Variants in LYPD6B observed in about 807,000 individuals in gnomAD.
The protein encoded by LYPD6B is ly6/PLAUR domain-containing protein 6B.
A neutral mutation model predicts 22.8 loss-of-function variants in LYPD6B; 17 were observed. The ratio of observed to expected loss-of-function variants is 0.75; its 90% CI spans 0.51 to 1.12. The LOEUF (loss-of-function observed/expected upper bound fraction) is 1.12. Among genes scored for constraint, LYPD6B ranks in the 50% most tolerant of loss-of-function variants. The pLI, the probability that LYPD6B is intolerant of heterozygous loss-of-function variation, is 0.00. For missense variants in LYPD6B, 221 were observed against 258.3 expected (o/e 0.86, Z 0.99); for synonymous variants, 106 against 91.6 (o/e 1.16, Z -0.90).
At chr2:149,120,377 ATATATAT>A (rs1687248350) in intron 1 of LYPD6B, among the ~76,000 whole-genome samples, 4 of 43,146 alleles carry the variant, frequency 9.3e-5, no homozygotes, top group East Asian at 1.6e-3. Context: ...ATATATATAT[ATATATAT>A]TTTTTTTTTT....
At chr2:149,153,651 TGTAGC>T (rs1689512616) in intron 2 of LYPD6B, among the ~76,000 whole-genome samples, 1 of 152,104 alleles carries the variant, frequency 6.6e-6, no homozygotes, top group Admixed American at 6.5e-5. Context: ...GGTGCGTTCC[TGTAGC>T]TCCAGCTACT....
Position 149,054,050 on chromosome 2 carries a change from G to A in LYPD6B, c.-67+15249G>A, listed in dbSNP as rs78676415. 6.7e-3 allele frequency among the ~76,000 whole-genome samples: 1,013 copies of A among 152,276 alleles called. 10 individuals carry two copies. Among genetic ancestry groups the A allele is most frequent in the African/African-American group, 0.023 (964 of 41,532 alleles). On this transcript the variant is annotated intron_variant, in intron 1 of 6. Transcript: ENST00000409642. ...TTCACTTTTGACTATTACAAATAAT[G>A]CTTCTGTAAGCATTCATGTATAAGT... is the stretch of plus-strand genomic sequence containing the variant.
chr2:149,110,014 T>G (rs988786558), intron 1 of LYPD6B, among the ~76,000 whole-genome samples: 4 of 152,120 alleles, frequency 2.6e-5, no homozygotes, highest in Non-Finnish European at 1.5e-5. Flanking sequence ...CCCGGCCACG[T>G]TCTTTTCTTT....
At chr2:149,147,506 T>TTTTGTTTG (rs970276349) in intron 2 of LYPD6B, among the ~76,000 whole-genome samples, 1 of 151,992 alleles carries the variant, frequency 6.6e-6, no homozygotes, top group African/African-American at 2.4e-5. Context: ...TTTTTTTGTT[T>TTTTGTTTG]TTTGTTTGTT....
intron 3 of LYPD6B, among the ~76,000 whole-genome samples, chr2:149,195,277 C>T (rs1692737310): frequency 6.6e-6 from 1 of 152,188 alleles, no homozygotes; most frequent in South Asian, 2.1e-4. Context: ...AAGCTTTCTT[C>T]AGGCTAGAGA....
At chr2:149,053,428 C>T (rs1193730526) in intron 1 of LYPD6B, among the ~76,000 whole-genome samples, 2 of 152,124 alleles carry the variant, frequency 1.3e-5, no homozygotes, top group East Asian at 3.8e-4. Flanking sequence ...AAAGTTGTAA[C>T]ATTCCTAATT....
intron 1 of LYPD6B, among the ~76,000 whole-genome samples, chr2:149,112,626 A>G (rs1686814721): frequency 2.0e-5 from 3 of 152,172 alleles, no homozygotes. Context: ...ATATAAAAAT[A>G]CTACCATCAT....
At chr2:149,197,974 G>A (rs577843745) in intron 3 of LYPD6B, among the ~76,000 whole-genome samples, 77 of 152,040 alleles carry the variant, frequency 5.1e-4, no homozygotes, top group African/African-American at 1.8e-3. Flanking sequence ...ATAAGACATG[G>A]CAAACCAATC....
At chr2:149,099,314 C>G (rs907905134) in intron 1 of LYPD6B, among the ~76,000 whole-genome samples, 4 of 152,150 alleles carry the variant, frequency 2.6e-5, no homozygotes, top group Non-Finnish European at 4.4e-5. Context: ...GCTAAACTAG[C>G]AACTCAGAGA....
chr2:149,137,873 C>A (rs1423802725), intron 2 of LYPD6B, among the ~76,000 whole-genome samples: 1 of 152,118 alleles, frequency 6.6e-6, no homozygotes, highest in Non-Finnish European at 1.5e-5. Context: ...TACAATCTTT[C>A]TGGGGCAATT....
In LYPD6B at chr2:149,208,358, G is replaced by A. The variant is rs746167432; in HGVS notation, c.274G>A (p.Ala92Thr). ...NSFKCFTCEN[A>T]GDNYNCNRWA... ...CTTCAAGTGCTTTACTTGTGAAAAC[G>A]CAGGGGATAATTATAACTGCAATCG... Residue 92 changes from alanine to threonine, a missense_variant, in exon 5 of 7, where the codon GCA (alanine) becomes ACA (threonine). Ala to Thr is a moderately conservative substitution (Grantham distance 58). Coordinates refer to ENST00000409642, the MANE Select transcript of LYPD6B (RefSeq NM_177964.5). The A allele has an allele frequency of 9.3e-6, 15 of 1,613,530 alleles. No individual in the cohort carries two copies. Among genetic ancestry groups the A allele is most frequent in the South Asian group, 5.5e-5 (5 of 91,056 alleles).
intron 3 of LYPD6B, among the ~76,000 whole-genome samples, chr2:149,183,863 G>GTATATATA (rs34733336): frequency 1.3e-5 from 2 of 148,770 alleles, no homozygotes; most frequent in African/African-American, 4.9e-5. Flanking sequence ...GTGTGTGTGT[G>GTATATATA]TATATATATA....
chr2:149,136,198 T>C (rs73017031), intron 2 of LYPD6B, among the ~76,000 whole-genome samples: 4,039 of 152,334 alleles, frequency 0.027, 172 homozygotes, highest in African/African-American at 0.092. Flanking sequence ...TTAGTTTCAC[T>C]GTTTCCTATG....
At chr2:149,164,683 C>T (rs72857297) in intron 3 of LYPD6B, among the ~76,000 whole-genome samples, 31,440 of 152,174 alleles carry the variant, frequency 0.21, 3,813 homozygotes, top group Non-Finnish European at 0.27. Context: ...AGCTTGCCTC[C>T]ATCTTCCCAA....
In LYPD6B at chr2:149,126,296, T is replaced by C. The variant is rs1366465806; in HGVS notation, c.-66-4587T>C. ...GTGGGCTTAGGGGTGCTGACCCCTC[T>C]GCATGGTTGAAAATCCATGTATGAT... On this transcript the variant is annotated intron_variant, in intron 1 of 6. Coordinates refer to ENST00000409642, the MANE Select transcript of LYPD6B (RefSeq NM_177964.5). 2.6e-5 allele frequency among the ~76,000 whole-genome samples: 4 copies of C among 152,174 alleles called. No individual in the cohort carries two copies. In the South Asian group the frequency reaches 8.3e-4, roughly 32 times the overall value.
intron 1 of LYPD6B, among the ~76,000 whole-genome samples, chr2:149,054,709 T>C (rs1057029256): frequency 6.6e-6 from 1 of 152,056 alleles, no homozygotes; most frequent in Non-Finnish European, 1.5e-5. Flanking sequence ...ATTCTGTCTC[T>C]ACAAAAAAGA....
chr2:149,164,119 G>A (rs1200401596), intron 3 of LYPD6B, among the ~76,000 whole-genome samples: 1 of 152,032 alleles, frequency 6.6e-6, no homozygotes, highest in Admixed American at 6.6e-5. Flanking sequence ...TTTCCTTACC[G>A]GTGATAAGAT....
intron 1 of LYPD6B, among the ~76,000 whole-genome samples, chr2:149,123,849 G>A (rs980874724): frequency 1.3e-5 from 2 of 152,182 alleles, no homozygotes; most frequent in African/African-American, 4.8e-5. Context: ...GACAGAGAGA[G>A]ACTTCGTCTC....
chr2:149,157,178 G>A (rs942288790), intron 2 of LYPD6B, among the ~76,000 whole-genome samples: 1 of 152,144 alleles, frequency 6.6e-6, no homozygotes, highest in African/African-American at 2.4e-5. Context: ...CCTAGTTTCA[G>A]CCTGTCGGGG....
Sources: allele counts gnomAD v4.1 joint callset (sites outside exome capture counted in the v4.1 genomes callset), GRCh38; gene constraint gnomAD v4.1.1; transcripts MANE v1.5; gene names NCBI Gene and HGNC (gene_info 2026-07-23, HGNC 2026-07-21).